DNAAF4: variants seen among roughly 807,000 people sequenced by gnomAD.
DNAAF4 encodes dynein assembly factor 4, axonemal.
Under a neutral mutation model 51.8 loss-of-function variants are expected in DNAAF4, and 43 were observed. The ratio of observed to expected loss-of-function variants is 0.83; its 90% CI spans 0.65 to 1.07. The LOEUF (loss-of-function observed/expected upper bound fraction) is 1.07. Ranked by LOEUF, DNAAF4 falls within the 50% of genes least tolerant of loss-of-function variation. The pLI, the probability that DNAAF4 is intolerant of heterozygous loss-of-function variation, is 0.00. For missense variants in DNAAF4, 581 were observed against 493.0 expected (o/e 1.18, Z -1.69); for synonymous variants, 194 against 165.6 (o/e 1.17, Z -1.32).
chr15:55,463,758 GA>G (rs747595046), intron 5 of DNAAF4, among the ~76,000 whole-genome samples: 18 of 152,210 alleles, frequency 1.2e-4, no homozygotes, highest in East Asian at 9.7e-4. Context: ...CTAAAGAGGT[GA>G]AAGATCTCAC....
At chr15:55,482,230 T>G (rs916305534) in intron 4 of DNAAF4, among the ~76,000 whole-genome samples, 45 of 136,150 alleles carry the variant, frequency 3.3e-4, no homozygotes, top group Admixed American at 8.5e-5. Context: ...TTGGCAAAGA[T>G]GTAAAAAAAT....
intron 4 of DNAAF4, among the ~76,000 whole-genome samples, chr15:55,473,122 C>T (rs561608688): frequency 2.8e-4 from 42 of 147,548 alleles, no homozygotes; most frequent in South Asian, 6.4e-4. Flanking sequence ...GCCGAGACTG[C>T]GCCACTGCAT....
chr15:55,478,100 T>C (rs1383160311), intron 4 of DNAAF4, among the ~76,000 whole-genome samples: 1 of 152,126 alleles, frequency 6.6e-6, no homozygotes, highest in East Asian at 1.9e-4. Flanking sequence ...ACATCATCAT[T>C]ACTACTGAGG....
intron 3 of DNAAF4, among the ~76,000 whole-genome samples, chr15:55,493,366 G>A (rs571900876): frequency 6.6e-6 from 1 of 152,194 alleles, no homozygotes; most frequent in Admixed American, 6.6e-5. Context: ...GTAAAAGTGT[G>A]TAATTTTATT....
At chr15:55,497,596 A>T (rs1595959543) in intron 3 of DNAAF4, 116 bp downstream of exon 3, 9 of 387,712 alleles carry the variant, frequency 2.3e-5, no homozygotes, top group Non-Finnish European at 2.8e-5. Flanking sequence ...CAAGACTCTT[A>T]AAAAAAAAAA....
At chr15:55,429,486 C>T (rs1181100935), downstream of DNAAF4, among the ~76,000 whole-genome samples, 15 of 146,872 alleles carry the variant, frequency 1.0e-4, no homozygotes, top group Admixed American at 8.4e-4. Context: ...CCACTGCTCT[C>T]CAGTCTGGGC....
At chr15:55,459,799 G>A (rs2058068927) in intron 5 of DNAAF4, among the ~76,000 whole-genome samples, 1 of 151,428 alleles carries the variant, frequency 6.6e-6, no homozygotes, top group African/African-American at 2.4e-5. Context: ...TGCCTCCTGG[G>A]GTCAAGCGAT....
intron 5 of DNAAF4, among the ~76,000 whole-genome samples, chr15:55,463,839 T>TA (rs1394426649): frequency 6.6e-6 from 1 of 152,154 alleles, no homozygotes; most frequent in Non-Finnish European, 1.5e-5. Context: ...CATCCCATGC[T>TA]CACAGATGGG....
At chr15:55,443,496 T>C (rs2057748259) in intron 6 of DNAAF4, 1 of 506,956 alleles carries the variant, frequency 2.0e-6, no homozygotes, top group South Asian at 2.4e-5. Context: ...TGAATAGTGC[T>C]GCAATAAACA....
At chr15:55,464,686 C>T (rs1362560300) in intron 5 of DNAAF4, among the ~76,000 whole-genome samples, 1 of 151,954 alleles carries the variant, frequency 6.6e-6, no homozygotes, top group African/African-American at 2.4e-5. Flanking sequence ...ACAAATGTCC[C>T]GCCAGGTGTG....
chr15:55,438,538 T>C (rs946601296), intron 7 of DNAAF4, among the ~76,000 whole-genome samples: 2 of 152,084 alleles, frequency 1.3e-5, no homozygotes, highest in East Asian at 3.9e-4. Flanking sequence ...TCCCAGCACT[T>C]TGGGAGACTG....
intron 5 of DNAAF4, among the ~76,000 whole-genome samples, chr15:55,453,716 A>G (rs1321044971): frequency 1.3e-5 from 2 of 151,680 alleles, no homozygotes; most frequent in African/African-American, 4.8e-5. Flanking sequence ...ACGTCCAGCT[A>G]ATTTTTTGTA....
intron 5 of DNAAF4, among the ~76,000 whole-genome samples, chr15:55,462,792 A>G (rs2058112009): frequency 6.6e-6 from 1 of 152,154 alleles, no homozygotes; most frequent in Non-Finnish European, 1.5e-5. Context: ...GGTTTAACAT[A>G]CACACACAAA....
intron 8 of DNAAF4, among the ~76,000 whole-genome samples, chr15:55,433,982 A>AT (rs1369024066): frequency 5.1e-5 from 1 of 19,604 alleles, no homozygotes; most frequent in African/African-American, 1.3e-4. Flanking sequence ...TATATATTAT[A>AT]TATAATATAT....
chr15:55,445,737 C>A (rs1370161800), intron 6 of DNAAF4, among the ~76,000 whole-genome samples: 1 of 141,844 alleles, frequency 7.1e-6, no homozygotes, highest in Non-Finnish European at 1.5e-5. Context: ...CCAGACGGGG[C>A]GGCCGGGAAG....
At chr15:55,493,418 T>C (rs1178123825) in intron 3 of DNAAF4, among the ~76,000 whole-genome samples, 2 of 152,218 alleles carry the variant, frequency 1.3e-5, no homozygotes, top group African/African-American at 4.8e-5. Flanking sequence ...AAGTTAGGTC[T>C]GAAGCCTCTT....
At chr15:55,422,136 T>C (rs77291014) in intron 7 of DNAAF4, among the ~76,000 whole-genome samples, 2 of 151,978 alleles carry the variant, frequency 1.3e-5, no homozygotes, top group Non-Finnish European at 2.9e-5. Context: ...TAAATATATA[T>C]GGCTAGATGT....
intron 3 of DNAAF4, chr15:55,495,198 G>A (rs2058624336): frequency 7.6e-6 from 1 of 130,890 alleles, no homozygotes; most frequent in Non-Finnish European, 1.6e-5. Context: ...GTAGTCTGGG[G>A]CTCACTAAAA....
chr15:55,504,328 C>T (rs113411842), intron 1 of DNAAF4, among the ~76,000 whole-genome samples: 15,837 of 152,028 alleles, frequency 0.1, 937 homozygotes, highest in South Asian at 0.18. Flanking sequence ...ATCAATATTG[C>T]GAAAATGGTC....
Sources: allele counts gnomAD v4.1 joint callset (sites outside exome capture counted in the v4.1 genomes callset), GRCh38; gene constraint gnomAD v4.1.1; transcripts MANE v1.5; gene names NCBI Gene and HGNC (gene_info 2026-07-23, HGNC 2026-07-21).